ATP9B: variants seen among roughly 807,000 people sequenced by gnomAD.
The protein encoded by ATP9B is ATPase phospholipid transporting 9B, also known as probable phospholipid-transporting ATPase IIB.
ATP9B carries 110 observed loss-of-function variants against 146.1 expected under a neutral mutation model. The ratio of observed to expected loss-of-function variants is 0.75; its 90% CI spans 0.65 to 0.88. The LOEUF is 0.88. Among genes scored for constraint, ATP9B ranks in the 40% least tolerant of loss-of-function variants. The pLI is 0.00. For missense variants in ATP9B, 1,499 were observed against 1,496.4 expected, an observed-to-expected ratio of 1.00 and a Z score of -0.03; for synonymous variants, 604 against 569.7, an observed-to-expected ratio of 1.06 and a Z score of -0.86.
chr18:79,363,444 A>G (rs1476348026), intron 26 of ATP9B: 2 of 152,020 alleles, frequency 1.3e-5, no homozygotes, highest in Admixed American at 1.3e-4. Flanking sequence ...ATCAAGAGGC[A>G]TAAACAGATG....
rs1321841682 is a variant in ATP9B at position 79,285,600 on chromosome 18, C to G, written c.1411+8404C>G. Among the ~76,000 whole-genome samples the G allele has an allele frequency of 6.7e-3, 1,013 of 151,104 alleles. 5 individuals are homozygous for G. The highest frequency in any genetic ancestry group is 0.023 in the African/African-American group (924 of 40,558). Reference sequence around the variant, plus strand: ...CACTCTGATGGTAGTTTCTTTTGCTCTGCAGAAGCTCTTTAGTTTAATTAG... The same window carrying G: ...CACTCTGATGGTAGTTTCTTTTGCTGTGCAGAAGCTCTTTAGTTTAATTAG... On this transcript the variant is annotated intron_variant, in intron 13 of 29. Transcript: ENST00000426216.
intron 8 of ATP9B, among the ~76,000 whole-genome samples, chr18:79,182,133 T>C (rs1435560614): frequency 6.6e-6 from 1 of 152,228 alleles, no homozygotes; most frequent in Admixed American, 6.5e-5. Context: ...TTTATTGGAA[T>C]GCTAATTAAT....
intron 15 of ATP9B, among the ~76,000 whole-genome samples, chr18:79,309,429 G>A (rs112134885): frequency 0.1 from 6,824 of 68,578 alleles, 2 homozygotes; most frequent in African/African-American, 0.1. Flanking sequence ...AAGGTCAGGG[G>A]TGGAGGAGTG....
chr18:79,250,206 C>G (rs1403939757), intron 11 of ATP9B, among the ~76,000 whole-genome samples: 3 of 152,144 alleles, frequency 2.0e-5, no homozygotes, highest in African/African-American at 7.2e-5. Flanking sequence ...ACTTTGTATT[C>G]ATTTCTGAAT....
In ATP9B at chr18:79,069,468, C is replaced by G. The variant is rs200458809; in HGVS notation, c.58C>G (p.Arg20Gly). The part of the protein sequence containing the change: ...VRSAAAAAAN[R>G]KRAAYYSAAG... The stretch of plus-strand genomic sequence containing the variant: ...TAGCGCAGCGGCGGCCGCAGCCAAC[C>G]GCAAACGCGCGGCCTACTACAGCGC... Residue 20 changes from arginine to glycine, a missense_variant, in exon 1 of 30, where the codon CGC becomes GGC. Coordinates refer to ENST00000426216, the MANE Select transcript of ATP9B (RefSeq NM_198531.5). 2 of 1,504,070 alleles carry G rather than the reference C, an allele frequency of 1.3e-6. No individual in the cohort carries two copies. Among genetic ancestry groups the G allele is most frequent in the Non-Finnish European group, 1.8e-6 (2 of 1,129,226 alleles). The allele number at this position is 1,504,070 out of a possible 1,614,324, so 93.2% of individuals were successfully genotyped here. A position where few individuals can be genotyped will look rare whatever the true frequency, so the allele number is the denominator to read the frequency against.
Position 79,330,096 on chromosome 18 carries a change from G to T in ATP9B, c.2020G>T (p.Glu674Ter). ...SPIVQYNDWL[E>*]EECGNMAREG... Reference sequence around the variant, plus strand: ...TATCGTGCAGTATAATGACTGGCTGGAAGAGGAGGTATGTGAGTGACTCTA... The same window carrying T: ...TATCGTGCAGTATAATGACTGGCTGTAAGAGGAGGTATGTGAGTGACTCTA... The change falls in exon 17 of 30, where the codon GAA becomes TAA. Residue 674 changes from glutamate to a stop codon, truncating the protein, a stop_gained. Transcript: ENST00000426216. LOFTEE classifies it high-confidence loss of function. 4.3e-6 allele frequency: 7 copies of T among 1,613,962 alleles called. No homozygotes were observed. Among genetic ancestry groups the T allele is most frequent in the Non-Finnish European group, 5.9e-6 (7 of 1,179,818 alleles).
At chr18:79,093,293 T>C (rs2074501406) in intron 1 of ATP9B, among the ~76,000 whole-genome samples, 1 of 152,198 alleles carries the variant, frequency 6.6e-6, no homozygotes, top group Non-Finnish European at 1.5e-5. Flanking sequence ...CCTTCATTCC[T>C]GAAGGACATT....
chr18:79,260,640 T>C (rs1218766226), intron 12 of ATP9B, among the ~76,000 whole-genome samples: 5 of 152,108 alleles, frequency 3.3e-5, no homozygotes, highest in Non-Finnish European at 7.4e-5. Flanking sequence ...AGAGACAGGA[T>C]GAGATGAGAG....
intron 11 of ATP9B, among the ~76,000 whole-genome samples, chr18:79,226,965 A>C (rs904762987): frequency 1.3e-5 from 2 of 151,874 alleles, no homozygotes; most frequent in South Asian, 2.1e-4. Context: ...TGTGTTGGGC[A>C]CCATATACTA....
At chr18:79,131,601 AAC>A (rs970934365) in intron 5 of ATP9B, among the ~76,000 whole-genome samples, 5 of 152,242 alleles carry the variant, frequency 3.3e-5, no homozygotes, top group Non-Finnish European at 7.3e-5. Context: ...AGCTGTGGAA[AAC>A]ACACTGTCAG....
At chr18:79,297,365 C>G (rs186957344) in intron 13 of ATP9B, among the ~76,000 whole-genome samples, 4 of 148,476 alleles carry the variant, frequency 2.7e-5, no homozygotes, top group Non-Finnish European at 4.5e-5. Context: ...AGAGGAGACA[C>G]AGACGACCCA....
intron 11 of ATP9B, among the ~76,000 whole-genome samples, chr18:79,221,955 A>C (rs2095684220): frequency 1.4e-5 from 2 of 147,242 alleles, no homozygotes; most frequent in South Asian, 4.3e-4. Flanking sequence ...AGAAAAACTT[A>C]TGAAAAATTT....
At chr18:79,285,744 G>GT (rs1273239723) in intron 13 of ATP9B, among the ~76,000 whole-genome samples, 2 of 152,174 alleles carry the variant, frequency 1.3e-5, no homozygotes, top group East Asian at 3.8e-4. Context: ...AGTTTTTATG[G>GT]TTTTAGGTCT....
Position 79,303,695 on chromosome 18 carries a change from T to C in ATP9B, c.1503T>C (p.His501=), listed in dbSNP as rs200612808. ...ACACGATGGATGAGATCCAGAGCCA[T>C]GTCAGGGACTCCTACTCACAGGTAA... ...GADTMDEIQS[H]VRDSYSQMQS... The change falls in exon 14 of 30, where the codon CAT becomes CAC. Residue 501 remains histidine (H), a synonymous_variant. Coordinates refer to ENST00000426216, the MANE Select transcript of ATP9B (RefSeq NM_198531.5). The C allele has an allele frequency of 4.3e-6, 7 of 1,613,864 alleles. No homozygotes were observed. In the East Asian group the frequency reaches 1.1e-4, roughly 26 times the overall value.
intron 1 of ATP9B, among the ~76,000 whole-genome samples, chr18:79,076,758 C>T (rs1055180524): frequency 1.3e-5 from 2 of 152,164 alleles, no homozygotes; most frequent in East Asian, 3.9e-4. Flanking sequence ...CTCTCCGTCC[C>T]TTCTTTTACC....
chr18:79,075,738 T>A (rs1024865959), intron 1 of ATP9B, among the ~76,000 whole-genome samples: 2 of 152,232 alleles, frequency 1.3e-5, no homozygotes, highest in South Asian at 2.1e-4. Context: ...TCTTTTTTTT[T>A]ACCCACCGCC....
At chr18:79,338,304 C>T (rs944494597) in intron 19 of ATP9B, among the ~76,000 whole-genome samples, 2 of 152,210 alleles carry the variant, frequency 1.3e-5, no homozygotes, top group African/African-American at 4.8e-5. Context: ...AGGGCAGGTG[C>T]AAAGCTGCTT....
At chr18:79,218,835 G>C (rs536288548) in intron 11 of ATP9B, among the ~76,000 whole-genome samples, 45 of 152,334 alleles carry the variant, frequency 3.0e-4, no homozygotes, top group African/African-American at 9.1e-4. Context: ...AAAAGGCCTT[G>C]GCCAAGTTCA....
intron 1 of ATP9B, among the ~76,000 whole-genome samples, chr18:79,081,336 G>A (rs1222405538): frequency 6.6e-6 from 1 of 152,016 alleles, no homozygotes; most frequent in Non-Finnish European, 1.5e-5. Context: ...CTTCTTCCTG[G>A]TTTAGTCTTG....
Sources: gnomAD v4.1 joint callset for allele counts (sites outside exome capture counted in the v4.1 genomes callset) on GRCh38, gnomAD v4.1.1 for gene constraint, MANE v1.5 for transcripts, NCBI Gene and HGNC (gene_info 2026-07-23, HGNC 2026-07-21) for gene names.